Variants in RAPGEF2 observed in about 807,000 individuals in gnomAD.
RAPGEF2 encodes the protein PDZ domain containing guanine nucleotide exchange factor (GEF) 1.
A neutral mutation model predicts 186.7 loss-of-function variants in RAPGEF2; 54 were observed. That is an observed-to-expected ratio of 0.29 (90% CI 0.23 to 0.36). The LOEUF is 0.36. Among genes scored for constraint, RAPGEF2 ranks in the 10% least tolerant of loss-of-function variants. The pLI, the probability that RAPGEF2 is intolerant of heterozygous loss-of-function variation, is 1.00. For synonymous variants in RAPGEF2, 712 were observed against 705.9 expected, an observed-to-expected ratio of 1.01 and a Z score of -0.14; for missense variants, 1,532 against 2,045.0, an observed-to-expected ratio of 0.75 and a Z score of 4.84.
At chr4:159,209,977 A>G (rs1750362030) in intron 3 of RAPGEF2, among the ~76,000 whole-genome samples, 1 of 152,246 alleles carries the variant, frequency 6.6e-6, no homozygotes, top group South Asian at 2.1e-4. Flanking sequence ...AGTTATTGCA[A>G]AAGAAAAGAA....
chr4:159,103,461 C>T lies in RAPGEF2; in HGVS notation c.-702C>T. 6.3e-6 allele frequency: 1 copy of T among 158,270 alleles called. No individual in the cohort carries two copies. The highest frequency in any genetic ancestry group is 1.4e-5 in the Non-Finnish European group (1 of 72,758). The allele number at this position is 158,270 out of a possible 1,614,324, so 9.8% of individuals were successfully genotyped here. On this transcript the variant is annotated 5_prime_UTR_variant, in exon 1 of 30. Transcript: ENST00000691494. ...GGCGGCGGCGGCGGCGGCTGGGCGG[C>T]CCGAGGGGATGCAGCAGCAGTCGGG...
chr4:159,250,796 C>A (rs1755237746), intron 7 of RAPGEF2, among the ~76,000 whole-genome samples: 1 of 150,902 alleles, frequency 6.6e-6, no homozygotes, highest in African/African-American at 2.4e-5. Context: ...GCTCTCGGCG[C>A]CTCGGCCTCG....
chr4:159,281,385 T>G (rs1202545212), intron 7 of RAPGEF2, among the ~76,000 whole-genome samples: 1 of 151,756 alleles, frequency 6.6e-6, no homozygotes, highest in Non-Finnish European at 1.5e-5. Flanking sequence ...TTGAAAATTA[T>G]TGGCTGGGCA....
chr4:159,338,521 A>G (rs1767793563), intron 18 of RAPGEF2, 53 bp downstream of exon 18: 1 of 1,486,720 alleles, frequency 6.7e-7, no homozygotes, highest in African/African-American at 1.4e-5. Context: ...TTTTATTTCT[A>G]ACATAATGGT....
chr4:159,295,742 T>TGCGCGC (rs1761888594), intron 7 of RAPGEF2, among the ~76,000 whole-genome samples: 1 of 133,460 alleles, frequency 7.5e-6, no homozygotes, highest in Non-Finnish European at 1.5e-5. Flanking sequence ...TGTGTGTGTG[T>TGCGCGC]GTGTGTGTGT....
intron 3 of RAPGEF2, among the ~76,000 whole-genome samples, chr4:159,208,569 C>T (rs745471267): frequency 2.6e-5 from 4 of 152,112 alleles, no homozygotes; most frequent in Admixed American, 6.5e-5. Context: ...TTCCCAATAT[C>T]GTGGAAACAT....
chr4:159,201,986 G>T (rs1040405374), intron 3 of RAPGEF2, among the ~76,000 whole-genome samples: 7 of 151,992 alleles, frequency 4.6e-5, no homozygotes, highest in Non-Finnish European at 7.4e-5. Context: ...GATACTGTGC[G>T]GTATTACATC....
intron 1 of RAPGEF2, among the ~76,000 whole-genome samples, chr4:159,106,226 A>C (rs1560967119): frequency 6.6e-6 from 1 of 152,176 alleles, no homozygotes; most frequent in African/African-American, 2.4e-5. Flanking sequence ...ACATAAGGAA[A>C]CCTACCAAAC....
At chr4:159,301,762 G>A (rs1344383397) in intron 7 of RAPGEF2, among the ~76,000 whole-genome samples, 1 of 152,166 alleles carries the variant, frequency 6.6e-6, no homozygotes, top group Non-Finnish European at 1.5e-5. Context: ...AGGAGGCTGA[G>A]GTGGAAGGAT....
chr4:159,194,179 G>A (rs1329391119), intron 3 of RAPGEF2, among the ~76,000 whole-genome samples: 2 of 152,184 alleles, frequency 1.3e-5, no homozygotes, highest in African/African-American at 4.8e-5. Context: ...AGTATGTGCT[G>A]GGACGCAGAG....
chr4:159,355,486 G>C (rs201762679), intron 28 of RAPGEF2, among the ~76,000 whole-genome samples: 2 of 152,172 alleles, frequency 1.3e-5, no homozygotes, highest in Non-Finnish European at 2.9e-5. Context: ...GCATAGTGCT[G>C]TGTACTTAGG....
intron 9 of RAPGEF2, among the ~76,000 whole-genome samples, chr4:159,320,213 A>G (rs889378556): frequency 7.2e-5 from 11 of 152,204 alleles, no homozygotes; most frequent in Admixed American, 1.3e-4. Flanking sequence ...TCAGAGGACC[A>G]TGACTTGTTC....
chr4:159,210,473 T>C, intron 3 of RAPGEF2, 27 bp from the exon 4 acceptor site: 1 of 1,447,692 alleles, frequency 6.9e-7, no homozygotes, highest in Non-Finnish European at 9.4e-7. Context: ...TAGGTAACAA[T>C]CTGATTCTGT....
At chr4:159,341,993 T>G (rs749863929) in intron 20 of RAPGEF2, 46 bp downstream of exon 20, 5 of 1,507,638 alleles carry the variant, frequency 3.3e-6, no homozygotes, top group Non-Finnish European at 4.4e-6. Flanking sequence ...GTTCACAGAT[T>G]TAAAATATGT....
At chr4:159,257,373 G>A (rs1756302502) in intron 7 of RAPGEF2, among the ~76,000 whole-genome samples, 2 of 152,204 alleles carry the variant, frequency 1.3e-5, no homozygotes, top group African/African-American at 4.8e-5. Context: ...AGCAGGCAAA[G>A]AGAGGGCTTG....
At chr4:159,195,032 A>G (rs1579429424) in intron 3 of RAPGEF2, among the ~76,000 whole-genome samples, 4 of 152,236 alleles carry the variant, frequency 2.6e-5, no homozygotes, top group African/African-American at 9.6e-5. Context: ...ACAGGTAGAT[A>G]GAATCTAGGA....
chr4:159,235,050 G>A (rs756954913), intron 4 of RAPGEF2, among the ~76,000 whole-genome samples: 5 of 152,218 alleles, frequency 3.3e-5, no homozygotes, highest in Middle Eastern at 3.4e-3. Context: ...ATGAGCCACC[G>A]TGCCCAGCCT....
intron 6 of RAPGEF2, among the ~76,000 whole-genome samples, chr4:159,242,796 A>G (rs1425959128): frequency 3.3e-5 from 5 of 152,106 alleles, no homozygotes; most frequent in Non-Finnish European, 7.4e-5. Flanking sequence ...ATACATATTA[A>G]TAGTACAACA....
intron 17 of RAPGEF2, among the ~76,000 whole-genome samples, chr4:159,333,260 GAGC>G (rs1766952153): frequency 6.6e-6 from 1 of 152,136 alleles, no homozygotes; most frequent in Admixed American, 6.5e-5. Context: ...TTGCAGGTGT[GAGC>G]CACTGCACCC....
Sources: allele counts gnomAD v4.1 joint callset (sites outside exome capture counted in the v4.1 genomes callset), GRCh38; gene constraint gnomAD v4.1.1; transcripts MANE v1.5; gene names NCBI Gene and HGNC (gene_info 2026-07-23, HGNC 2026-07-21).